UNG: variants seen among roughly 807,000 people sequenced by gnomAD.
UNG encodes the protein uracil-DNA glycosylase.
A neutral mutation model predicts 36.5 loss-of-function variants in UNG; 34 were observed. The observed-to-expected ratio is 0.93, with a 90% confidence interval of 0.71 to 1.24. UNG has a LOEUF of 1.24. Among genes scored for constraint, UNG ranks in the 50% most tolerant of loss-of-function variants. The pLI is 0.00. For missense variants in UNG, 391 were observed against 397.6 expected, an observed-to-expected ratio of 0.98 and a Z score of 0.14; for synonymous variants, 172 against 157.8, an observed-to-expected ratio of 1.09 and a Z score of -0.67.
chr12:109,104,755 C>A (rs1462017129), intron 6 of UNG, among the ~76,000 whole-genome samples: 3 of 151,778 alleles, frequency 2.0e-5, no homozygotes, highest in Non-Finnish European at 4.4e-5. Flanking sequence ...ATGGGAGAGA[C>A]ATTGGGTGGG....
At chr12:109,108,314 G>A (rs1054821003) in intron 6 of UNG, among the ~76,000 whole-genome samples, 1 of 152,136 alleles carries the variant, frequency 6.6e-6, no homozygotes, top group Admixed American at 6.5e-5. Flanking sequence ...GCACTCACAC[G>A]TTGTTTTTTT....
intron 1 of UNG, 55 bp from the exon 2 acceptor site, chr12:109,098,377 G>C (rs1184541721): frequency 6.2e-7 from 1 of 1,601,596 alleles, no homozygotes; most frequent in Non-Finnish European, 8.5e-7. Flanking sequence ...AGCTGCGGAC[G>C]CCTGGGAAGG....
intron 6 of UNG, among the ~76,000 whole-genome samples, chr12:109,103,857 T>G (rs986690609): frequency 6.6e-6 from 1 of 152,140 alleles, no homozygotes; most frequent in African/African-American, 2.4e-5. Context: ...CTGAATGCAG[T>G]TGGTGCTGTA....
At chr12:109,104,212 AT>A (rs964241683) in intron 6 of UNG, among the ~76,000 whole-genome samples, 1 of 150,812 alleles carries the variant, frequency 6.6e-6, no homozygotes, top group African/African-American at 2.4e-5. Flanking sequence ...CACCCGGCTG[AT>A]TTTTTTTTAT....
Position 109,098,592 on chromosome 12 carries a change from G to A in UNG, c.293G>A (p.Trp98Ter). 1 of 1,613,542 alleles carries A rather than the reference G, an allele frequency of 6.2e-7. No homozygotes were observed. Among genetic ancestry groups the A allele is most frequent in the Non-Finnish European group, 8.5e-7 (1 of 1,180,042 alleles). ...GTGCCCGTGGGCTTTGGAGAGAGCTGGAAGAAGCACCTCAGCGGGGAGTTC... is the reference window on the plus strand; with the variant it reads ...GTGCCCGTGGGCTTTGGAGAGAGCTAGAAGAAGCACCTCAGCGGGGAGTTC... ...RNVPVGFGES[W>*]KKHLSGEFGK... is the part of the protein sequence containing the mutation. The change falls in exon 2 of 7, where the codon TGG (tryptophan) becomes TAG (stop). Residue 98 changes from tryptophan to a stop codon, truncating the protein, a stop_gained. Transcript: ENST00000242576. LOFTEE classifies it high-confidence loss of function.
At position 109,097,808 on chromosome 12, in the gene UNG, G is replaced by A; in HGVS notation, c.129G>A (p.Ala43=). 1 of 1,543,160 alleles carries A rather than the reference G, an allele frequency of 6.5e-7. No individual in the cohort carries two copies. The highest frequency in any genetic ancestry group is 1.4e-5 in the African/African-American group (1 of 72,778). The change falls in exon 1 of 7, where the codon GCG becomes GCA. Residue 43 remains alanine (A), a synonymous_variant. Coordinates refer to ENST00000242576, the MANE Select transcript of UNG (RefSeq NM_080911.3). ...VAGVPEESGD[A]AAIPAKKAPA... The stretch of plus-strand genomic sequence containing the variant: ...GGGTGCCTGAGGAAAGCGGAGATGC[G>A]GCGGTGAGGCGCGGCTTGGGCCGGG...
intron 6 of UNG, 70 bp from the exon 7 acceptor site, chr12:109,109,757 CTG>C (rs1003618841): frequency 9.9e-6 from 13 of 1,317,686 alleles, no homozygotes; most frequent in Non-Finnish European, 1.0e-5. Flanking sequence ...CAGCAAGACT[CTG>C]TCTCAAAAAA....
chr12:109,103,291 T>C (rs1194668456), intron 5 of UNG, 142 bp from the exon 6 acceptor site: 4 of 828,596 alleles, frequency 4.8e-6, no homozygotes, highest in Non-Finnish European at 4.0e-6. Context: ...CTGCTGCCAT[T>C]ATGCCGGCTG....
At position 109,098,470 on chromosome 12, in the gene UNG, G is replaced by C. The variant is rs1013317831; in HGVS notation, c.171G>C (p.Glu57Asp). Residue 57 changes from glutamate to aspartate, a missense_variant, in exon 2 of 7, where the codon GAG becomes GAC. Coordinates refer to ENST00000242576, the MANE Select transcript of UNG (RefSeq NM_080911.3). ...PAKKAPAGQE[E>D]PGTPPSSPLS... ...AGAAGGCCCCGGCTGGGCAGGAGGA[G>C]CCTGGGACGCCGCCCTCCTCGCCGC... The C allele has an allele frequency of 6.2e-7, 1 of 1,611,936 alleles. No homozygotes were observed. The highest frequency in any genetic ancestry group is 8.5e-7 in the Non-Finnish European group (1 of 1,179,402).
At chr12:109,107,330 A>T (rs1199160354) in intron 6 of UNG, among the ~76,000 whole-genome samples, 2 of 152,032 alleles carry the variant, frequency 1.3e-5, no homozygotes, top group African/African-American at 4.8e-5. Context: ...TCACCTGAGT[A>T]GCAGGGACCA....
chr12:109,102,806 C>A, intron 4 of UNG, 33 bp from the exon 5 acceptor site: 2 of 1,506,182 alleles, frequency 1.3e-6, no homozygotes, highest in South Asian at 1.1e-5. Flanking sequence ...GCTTAAGATT[C>A]TGTTTTTTGT....
rs2042152878 is a variant in UNG at position 109,098,617 on chromosome 12, C to A, written c.318C>A (p.Phe106Leu). ...GGAAGAAGCACCTCAGCGGGGAGTT[C>A]GGGAAACCGTATTTTATCAAGGTAA... is the stretch of plus-strand genomic sequence containing the variant. ...ESWKKHLSGE[F>L]GKPYFIKLMG... is the part of the protein sequence containing the mutation. Residue 106 changes from phenylalanine to leucine, a missense_variant, in exon 2 of 7, where the codon TTC (phenylalanine) becomes TTA (leucine). Phe to Leu is a conservative substitution (Grantham distance 22, BLOSUM62 0). Transcript: ENST00000242576. The A allele has an allele frequency of 1.2e-6, 2 of 1,613,428 alleles. No homozygotes were observed. Among genetic ancestry groups the A allele is most frequent in the Non-Finnish European group, 1.7e-6 (2 of 1,180,010 alleles).
chr12:109,102,936 G>T lies in UNG; in HGVS notation c.622+9G>T, dbSNP rs774306202. ...TGGGTGGGCCAAGCAAGGTAAGCCA[G>T]CGACTGCTAGATTTTTTTTTTTTTT... On this transcript the variant is annotated intron_variant, in intron 5 of 6. Transcript: ENST00000242576. 3.7e-5 allele frequency: 58 copies of T among 1,560,290 alleles called. No individual in the cohort carries two copies. In the East Asian group the frequency reaches 7.0e-4, roughly 19 times the overall value.
chr12:109,105,923 A>G (rs930474135), intron 6 of UNG, among the ~76,000 whole-genome samples: 9 of 152,192 alleles, frequency 5.9e-5, no homozygotes, highest in East Asian at 1.9e-4. Context: ...GTGGCCCCCA[A>G]TCGGCCTCCC....
chr12:109,099,770 C>T (rs2135883747), intron 3 of UNG, among the ~76,000 whole-genome samples: 1 of 152,258 alleles, frequency 6.6e-6, no homozygotes, highest in Non-Finnish European at 1.5e-5. Flanking sequence ...CGGCTCTCAT[C>T]CATCTTGTGT....
rs184404735 is a variant in UNG, at chr12:109,099,129, T to C, written c.340-60T>C. On this transcript the variant is annotated intron_variant, in intron 2 of 6. Coordinates refer to ENST00000242576, the MANE Select transcript of UNG (RefSeq NM_080911.3). ...ATAACTTGCACTAGAAGCTTTCTTATTGAATTCTTATGGTTTCCAATGAGA... is the reference window on the plus strand; with the variant it reads ...ATAACTTGCACTAGAAGCTTTCTTACTGAATTCTTATGGTTTCCAATGAGA... 6.7e-5 allele frequency: 100 copies of C among 1,487,730 alleles called. No homozygotes were observed. The Admixed American group carries it at 1.0e-3, about 15-fold the overall frequency. 92.2% of individuals were successfully genotyped at this position (1,487,730 alleles called of 1,614,324 possible).
intron 6 of UNG, chr12:109,105,352 G>A (rs3219251): frequency 2.0e-5 from 3 of 152,226 alleles, no homozygotes; most frequent in Non-Finnish European, 2.9e-5. Context: ...AGAAGTGTGC[G>A]TGAGAGTAAT....
intron 6 of UNG, among the ~76,000 whole-genome samples, chr12:109,108,917 C>G (rs2042238825): frequency 6.6e-6 from 1 of 152,150 alleles, no homozygotes; most frequent in Non-Finnish European, 1.5e-5. Context: ...CAGGTGTAAG[C>G]CACCGTGACT....
In UNG at chr12:109,102,875, AGAG is replaced by A. The variant is rs1392982256; in HGVS notation, c.573_575del (p.Glu191del). On this transcript the variant is annotated inframe_deletion, in exon 5 of 7. Transcript: ENST00000242576. ...TTTATAAAGAGTTGTCTACAGACAT[AGAG>A]GATTTTGTTCATCCTGGCCATGGAG... 3 of 1,612,200 alleles carry A rather than the reference AGAG, an allele frequency of 1.9e-6. No individual in the cohort carries two copies. The African/African-American group carries it at 4.0e-5, about 22-fold the overall frequency.
Sources: gnomAD v4.1 joint callset for allele counts (sites outside exome capture counted in the v4.1 genomes callset) on GRCh38, gnomAD v4.1.1 for gene constraint, MANE v1.5 for transcripts, NCBI Gene and HGNC (gene_info 2026-07-23, HGNC 2026-07-21) for gene names.